NR5A1: variants seen among roughly 807,000 people sequenced by gnomAD.
The protein encoded by NR5A1 is nuclear receptor subfamily 5 group A member 1, also known as steroidogenic factor 1.
A neutral mutation model predicts 42.7 loss-of-function variants in NR5A1; 6 were observed. That is an observed-to-expected ratio of 0.14 (90% CI 0.08 to 0.28). NR5A1 has a LOEUF of 0.28. NR5A1 is among the 10% of genes least tolerant of loss of function. The pLI is 1.00. For missense variants in NR5A1, 442 were observed against 626.4 expected, an observed-to-expected ratio of 0.71 and a Z score of 3.14; for synonymous variants, 274 against 277.5, an observed-to-expected ratio of 0.99 and a Z score of 0.12.
chr9:124,502,953 C>T (rs917340973), intron 3 of NR5A1, 126 bp downstream of exon 3: 1 of 1,305,732 alleles, frequency 7.7e-7, no homozygotes, highest in African/African-American at 1.5e-5. Flanking sequence ...AGCGACTGGG[C>T]CCTAATGTCG....
At chr9:124,493,255 C>T in intron 4 of NR5A1, 106 bp from the exon 5 acceptor site, 1 of 1,424,900 alleles carries the variant, frequency 7.0e-7, no homozygotes, top group Non-Finnish European at 9.4e-7. Context: ...GCAGCCTGGG[C>T]AAGCTAACCT....
chr9:124,489,020 C>T (rs182135119), intron 6 of NR5A1, among the ~76,000 whole-genome samples: 37 of 152,368 alleles, frequency 2.4e-4, no homozygotes, highest in East Asian at 1.5e-3. Flanking sequence ...GTTTTGAGCA[C>T]GCCCACACCT....
intron 4 of NR5A1, among the ~76,000 whole-genome samples, chr9:124,497,378 T>C (rs190305730): frequency 6.6e-6 from 1 of 152,298 alleles, no homozygotes; most frequent in East Asian, 1.9e-4. Context: ...TTCACTTCTG[T>C]GCTACTATCG....
chr9:124,500,240 C>G lies in NR5A1; in HGVS notation c.720G>C (p.Val240=). The G allele has an allele frequency of 6.2e-7, 1 of 1,605,160 alleles. No homozygotes were observed. Among genetic ancestry groups the G allele is most frequent in the Non-Finnish European group, 8.5e-7 (1 of 1,176,350 alleles). ...GCAGGCAGCCCAAGATGCGGGCCCGCACCTGGTCCTCATCCGGCTCCAGCT... is the reference window on the plus strand; with the variant it reads ...GCAGGCAGCCCAAGATGCGGGCCCGGACCTGGTCCTCATCCGGCTCCAGCT... ...LLQLEPDEDQ[V]RARILGCLQE... The change falls in exon 4 of 7, where the codon GTG becomes GTC. Residue 240 remains valine, a synonymous_variant. Coordinates refer to ENST00000373588, the MANE Select transcript of NR5A1 (RefSeq NM_004959.5). This position sits in a 1 kb window ranked among gnomAD's most constrained non-coding sequence, Gnocchi z 6.9.
At chr9:124,495,449 G>A (rs1263455625) in intron 4 of NR5A1, among the ~76,000 whole-genome samples, 3 of 152,212 alleles carry the variant, frequency 2.0e-5, no homozygotes, top group Admixed American at 6.5e-5. Context: ...GGCAACACTC[G>A]GGCTTCAGGC....
At chr9:124,490,965 C>A in intron 6 of NR5A1, 116 bp downstream of exon 6, 2 of 1,343,214 alleles carry the variant, frequency 1.5e-6, no homozygotes, top group Non-Finnish European at 2.1e-6. Context: ...CCTTTCTCCC[C>A]GAGGCTCCTT....
intron 6 of NR5A1, among the ~76,000 whole-genome samples, chr9:124,487,945 A>C (rs937994031): frequency 1.3e-5 from 2 of 152,274 alleles, no homozygotes; most frequent in South Asian, 4.1e-4. Flanking sequence ...TGCGAATTTC[A>C]TCATGTTACT....
chr9:124,492,246 C>G (rs536863874), intron 5 of NR5A1, among the ~76,000 whole-genome samples: 1 of 150,678 alleles, frequency 6.6e-6, no homozygotes, highest in Non-Finnish European at 1.5e-5. Flanking sequence ...TGCCTCCCCC[C>G]CTCCCTCTCT....
At chr9:124,492,996 C>T (rs752620400) in intron 5 of NR5A1, 34 bp downstream of exon 5, 29 of 1,547,336 alleles carry the variant, frequency 1.9e-5, no homozygotes, top group African/African-American at 2.7e-5. Flanking sequence ...GGGGCCAGGG[C>T]GGGGCCCAGG....
At position 124,493,075 on chromosome 9, in the gene NR5A1, G is replaced by C. The variant is rs756110378; in HGVS notation, c.945C>G (p.Val315=). 1.2e-6 allele frequency: 2 copies of C among 1,610,914 alleles called. No individual in the cohort carries two copies. Among genetic ancestry groups the C allele is most frequent in the Non-Finnish European group, 1.7e-6 (2 of 1,179,338 alleles). ...GGATGCTGCCCTCCTTGCCGTGCTG[G>C]ACCTGGCGGTAGATGTGGTCGAACA... is the stretch of plus-strand genomic sequence containing the variant. ...LLVFDHIYRQ[V]QHGKEGSILL... Residue 315 remains valine (V), a synonymous_variant, in exon 5 of 7, where the codon GTC becomes GTG. Coordinates refer to ENST00000373588, the MANE Select transcript of NR5A1 (RefSeq NM_004959.5).
rs1410706178 is a variant in NR5A1, at chr9:124,500,300, C to T, written c.660G>A (p.Gly220=). The T allele has an allele frequency of 6.4e-7, 1 of 1,564,814 alleles. No individual in the cohort carries two copies. Among genetic ancestry groups the T allele is most frequent in the African/African-American group, 1.4e-5 (1 of 73,752 alleles). Residue 220 remains glycine (G), a synonymous_variant, in exon 4 of 7, where the codon GGG becomes GGA. Coordinates refer to ENST00000373588, the MANE Select transcript of NR5A1 (RefSeq NM_004959.5). The surrounding 1 kb of genome is among the most constrained non-coding windows in gnomAD (Gnocchi z 6.9). The part of the protein sequence containing the change: ...PYGYPEPFSG[G]PNVPELILQL... ...GCAGGATGAGCTCAGGCACGTTGGG[C>T]CCTCCAGAGAAGGGCTCTGGGTAGC...
chr9:124,500,805 G>GCT lies in NR5A1; in HGVS notation c.245-92_245-91dup. On this transcript the variant is annotated intron_variant, in intron 3 of 6. Coordinates refer to ENST00000373588, the MANE Select transcript of NR5A1 (RefSeq NM_004959.5). This position sits in a 1 kb window ranked among gnomAD's most constrained non-coding sequence, Gnocchi z 6.9. Reference sequence around the variant, plus strand: ...AGATCCTTTCCAAACAAATCTGACCGCTCTCTCCCCTGCTCAACACCCTTT... The same window carrying GCT: ...AGATCCTTTCCAAACAAATCTGACCGCTCTCTCTCCCCTGCTCAACACCCTTT... 5 of 1,589,246 alleles carry GCT rather than the reference G, an allele frequency of 3.1e-6. No individual in the cohort carries two copies. Among genetic ancestry groups the GCT allele is most frequent in the South Asian group, 1.1e-5 (1 of 90,286 alleles).
intron 6 of NR5A1, among the ~76,000 whole-genome samples, chr9:124,489,755 C>G (rs373902488): frequency 1.5e-5 from 2 of 137,588 alleles, no homozygotes; most frequent in Non-Finnish European, 3.2e-5. Flanking sequence ...ACCCGCCCCC[C>G]ACCCCAATGG....
Position 124,500,822 on chromosome 9 carries a change from A to C in NR5A1, c.245-107T>G. 3 of 1,552,812 alleles carry C rather than the reference A, an allele frequency of 1.9e-6. No individual in the cohort carries two copies. Among genetic ancestry groups the C allele is most frequent in the Non-Finnish European group, 2.7e-6 (3 of 1,129,132 alleles). ...ATCTGACCGCTCTCTCCCCTGCTCA[A>C]CACCCTTTCATGGCTCCCACTGACC... On this transcript the variant is annotated intron_variant, in intron 3 of 6. Coordinates refer to ENST00000373588, the MANE Select transcript of NR5A1 (RefSeq NM_004959.5). The surrounding 1 kb of genome is among the most constrained non-coding windows in gnomAD (Gnocchi z 6.9).
At chr9:124,506,671 C>G (rs1302221291) in intron 1 of NR5A1, among the ~76,000 whole-genome samples, 1 of 152,198 alleles carries the variant, frequency 6.6e-6, no homozygotes, top group African/African-American at 2.4e-5. Flanking sequence ...CTACTCTCAC[C>G]GGCTGGAAGC....
chr9:124,490,479 G>C (rs973791718), intron 6 of NR5A1, among the ~76,000 whole-genome samples: 1 of 152,122 alleles, frequency 6.6e-6, no homozygotes, highest in African/African-American at 2.4e-5. Context: ...GGCTGGGCTG[G>C]GCCAGGCCTG....
rs1374501858 is a variant in NR5A1, at chr9:124,496,598, G to C, written c.871-3449C>G. Among the ~76,000 whole-genome samples, 1 of 152,228 alleles carries C rather than the reference G, an allele frequency of 6.6e-6. No homozygotes were observed. On this transcript the variant is annotated intron_variant, in intron 4 of 6. Coordinates refer to ENST00000373588, the MANE Select transcript of NR5A1 (RefSeq NM_004959.5). The surrounding 1 kb of genome is among the most constrained non-coding windows in gnomAD (Gnocchi z 5.0). The stretch of plus-strand genomic sequence containing the variant: ...CCCCTGGGGTCCGATTGGTCTGGCT[G>C]TGAAGGCCGGTGGGCTGTGTAATTC...
chr9:124,506,724 A>ACAGGTTC (rs1335363150), intron 1 of NR5A1, among the ~76,000 whole-genome samples: 1 of 151,990 alleles, frequency 6.6e-6, no homozygotes, highest in Non-Finnish European at 1.5e-5. Flanking sequence ...ACCCACCCCC[A>ACAGGTTC]CAGGTTCCAG....
intron 6 of NR5A1, among the ~76,000 whole-genome samples, chr9:124,487,113 C>G (rs998862858): frequency 1.3e-5 from 2 of 152,206 alleles, no homozygotes; most frequent in Non-Finnish European, 2.9e-5. Context: ...TCGGAGGGAG[C>G]TGGGAGATGG....
Sources: allele counts gnomAD v4.1 joint callset (sites outside exome capture counted in the v4.1 genomes callset), GRCh38; gene constraint gnomAD v4.1.1; non-coding constraint Gnocchi (gnomAD v3.1); transcripts MANE v1.5; gene names NCBI Gene and HGNC (gene_info 2026-07-23, HGNC 2026-07-21).